Variants in FREM2 observed in about 807,000 individuals in gnomAD.
The protein encoded by FREM2 is FRAS1 related extracellular matrix 2, also known as FRAS1-related extracellular matrix protein 2.
In FREM2, 119 loss-of-function variants were observed where a neutral mutation model predicts 219.9. The observed-to-expected ratio is 0.54, with a 90% CI of 0.47 to 0.63. FREM2 has a LOEUF of 0.63. Ranked by LOEUF, FREM2 falls within the 30% of genes least tolerant of loss-of-function variation. The pLI is 0.00. For synonymous variants in FREM2, 1,562 were observed against 1,522.8 expected (o/e 1.03, Z -0.60); for missense variants, 4,030 against 3,993.6 (o/e 1.01, Z -0.25).
rs536960127 is a variant in FREM2 at position 38,689,904 on chromosome 13, G to A, written c.2560G>A (p.Val854Met). The part of the protein sequence containing the change: ...HHILSETELH[V>M]NDVDTDVAHI... ...CATCCTGAGTGAGACAGAGTTGCACGTGAATGATGTAGACACTGATGTTGC... is the reference window on the plus strand; with the variant it reads ...CATCCTGAGTGAGACAGAGTTGCACATGAATGATGTAGACACTGATGTTGC... The change falls in exon 1 of 24, where the codon GTG becomes ATG. Residue 854 changes from valine to methionine, a missense_variant. Val to Met is a conservative substitution (Grantham distance 21). Coordinates refer to ENST00000280481, the MANE Select transcript of FREM2 (RefSeq NM_207361.6). The A allele has an allele frequency of 7.4e-6, 12 of 1,614,146 alleles. No homozygotes were observed. The highest frequency in any genetic ancestry group is 4.0e-5 in the African/African-American group (3 of 75,034).
intron 1 of FREM2, among the ~76,000 whole-genome samples, chr13:38,695,332 G>T (rs1194738543): frequency 6.6e-6 from 1 of 151,962 alleles, no homozygotes; most frequent in East Asian, 1.9e-4. Context: ...AATATAAAAG[G>T]TTTTAGTATG....
intron 2 of FREM2, among the ~76,000 whole-genome samples, chr13:38,730,236 A>G (rs1871710284): frequency 6.6e-6 from 1 of 152,222 alleles, no homozygotes; most frequent in Admixed American, 6.5e-5. Flanking sequence ...CAGTACGTTT[A>G]TGATACATTT....
chr13:38,743,064 C>A (rs548397920), intron 2 of FREM2, among the ~76,000 whole-genome samples: 2 of 152,202 alleles, frequency 1.3e-5, no homozygotes, highest in African/African-American at 4.8e-5. Flanking sequence ...AAAACAAGCT[C>A]CTGATGGACA....
In FREM2 at chr13:38,876,085, T is replaced by A. The variant is rs895170998; in HGVS notation, c.8345T>A (p.Leu2782His). 4 of 1,614,128 alleles carry A rather than the reference T, an allele frequency of 2.5e-6. No homozygotes were observed. The highest frequency in any genetic ancestry group is 3.4e-6 in the Non-Finnish European group (4 of 1,179,978). The change falls in exon 19 of 24, where the codon CTC becomes CAC. Residue 2782 changes from leucine to histidine, a missense_variant. Physicochemically the swap from Leu to His is moderately conservative, Grantham distance 99. This residue lies in a region of FREM2 where 928 missense variants were observed against 1,042.9 expected (regional missense o/e 0.89). Transcript: ENST00000280481. ...DHPGLTFSLR[L>H]IRSEPTYNQP... ...CCAGGCCTGACATTTTCCCTCCGCCTCATAAGGAGTGAACCAACCTATAAC... is the reference window on the plus strand; with the variant it reads ...CCAGGCCTGACATTTTCCCTCCGCCACATAAGGAGTGAACCAACCTATAAC...
rs561768037 is a variant in FREM2 at position 38,866,525 on chromosome 13, G to A, written c.7983+1919G>A. On this transcript the variant is annotated intron_variant, in intron 16 of 23. Coordinates refer to ENST00000280481, the MANE Select transcript of FREM2 (RefSeq NM_207361.6). Reference sequence around the variant, plus strand: ...AAAATAAAATAAAATAAAATTAGCCGGGCGTGGTGGCGCATGCCTGTAATC... The same window carrying A: ...AAAATAAAATAAAATAAAATTAGCCAGGCGTGGTGGCGCATGCCTGTAATC... Among the ~76,000 whole-genome samples, 17 of 151,162 alleles carry A rather than the reference G, an allele frequency of 1.1e-4. No individual in the cohort carries two copies. The South Asian group carries it at 1.3e-3, about 11-fold the overall frequency.
chr13:38,703,778 C>G (rs1054256719), intron 2 of FREM2, among the ~76,000 whole-genome samples: 1 of 151,800 alleles, frequency 6.6e-6, no homozygotes, highest in Non-Finnish European at 1.5e-5. Flanking sequence ...GCTTTAGTTC[C>G]GAGAACATTT....
In FREM2 at chr13:38,882,659, A is replaced by G. The variant is rs1878588817; in HGVS notation, c.*1872A>G. ...CCCAGGAGTTTATTTAGCAAGATAA[A>G]TAGTGGTAATTTCTTAATCATTCCC... On this transcript the variant is annotated 3_prime_UTR_variant, in exon 24 of 24. Coordinates refer to ENST00000280481, the MANE Select transcript of FREM2 (RefSeq NM_207361.6). 6.6e-6 allele frequency: 1 copy of G among 152,240 alleles called. No homozygotes were observed. The highest frequency in any genetic ancestry group is 6.5e-5 in the Admixed American group (1 of 15,284). 9.4% of individuals were successfully genotyped at this position (152,240 alleles called of 1,614,324 possible).
intron 2 of FREM2, among the ~76,000 whole-genome samples, chr13:38,717,851 A>G (rs1871072922): frequency 6.6e-6 from 1 of 152,242 alleles, no homozygotes; most frequent in African/African-American, 2.4e-5. Context: ...CATCTTGATA[A>G]ATATGAGTGT....
At chr13:38,861,677 G>A in intron 15 of FREM2, 115 bp downstream of exon 15, 3 of 1,132,242 alleles carry the variant, frequency 2.6e-6, no homozygotes, top group African/African-American at 1.5e-5. Context: ...TTTGCAACTT[G>A]AGCTTCAAGT....
chr13:38,882,452 C>G lies in FREM2; in HGVS notation c.*1665C>G, dbSNP rs939179579. The G allele has an allele frequency of 3.3e-5, 5 of 152,186 alleles. No homozygotes were observed. Among genetic ancestry groups the G allele is most frequent in the African/African-American group, 9.7e-5 (4 of 41,448 alleles). 9.4% of individuals were successfully genotyped at this position (152,186 alleles called of 1,614,324 possible). On this transcript the variant is annotated 3_prime_UTR_variant, in exon 24 of 24. Transcript: ENST00000280481. ...TCTTGATCAAGATAAGGAAGCAACA[C>G]TGATACTGAGAGAGAGGTCATATGT... is the stretch of plus-strand genomic sequence containing the variant.
intron 2 of FREM2, among the ~76,000 whole-genome samples, chr13:38,709,574 T>C (rs1218687859): frequency 6.6e-6 from 1 of 152,130 alleles, no homozygotes; most frequent in Non-Finnish European, 1.5e-5. Flanking sequence ...ATATATATTA[T>C]GCAGAATATA....
rs1224994902 is a variant in FREM2 at position 38,691,288 on chromosome 13, A to G, written c.3944A>G (p.Glu1315Gly). The G allele has an allele frequency of 1.2e-6, 2 of 1,613,954 alleles. No individual in the cohort carries two copies. Among genetic ancestry groups the G allele is most frequent in the Non-Finnish European group, 1.7e-6 (2 of 1,179,924 alleles). ...RMTINNGLEI[E>G]IGDTKIINNK... ...ACTATCAATAATGGACTAGAAATAG[A>G]AATTGGGGATACCAAGATTATCAAC... The change falls in exon 1 of 24, where the codon GAA becomes GGA. Residue 1315 changes from glutamate to glycine, a missense_variant. Physicochemically the swap from Glu to Gly is moderately conservative, Grantham distance 98 (BLOSUM62 -2). Coordinates refer to ENST00000280481, the MANE Select transcript of FREM2 (RefSeq NM_207361.6).
intron 2 of FREM2, among the ~76,000 whole-genome samples, chr13:38,727,035 C>T (rs368858623): frequency 3.3e-5 from 5 of 152,124 alleles, no homozygotes; most frequent in South Asian, 2.1e-4. Flanking sequence ...AATTAGGGTG[C>T]GAAGAAAGTA....
At chr13:38,778,521 C>T (rs1293374554) in intron 4 of FREM2, among the ~76,000 whole-genome samples, 1 of 152,164 alleles carries the variant, frequency 6.6e-6, no homozygotes, top group East Asian at 1.9e-4. Context: ...AATACCACTG[C>T]CTTGGGGATT....
rs59365871 is a variant in FREM2, at chr13:38,751,864, C to CTGTGTG, written c.5264-12412_5264-12407dup. Among the ~76,000 whole-genome samples, 287 of 130,326 alleles carry CTGTGTG rather than the reference C, an allele frequency of 2.2e-3. 3 individuals are homozygous for CTGTGTG. Among genetic ancestry groups the CTGTGTG allele is most frequent in the African/African-American group, 9.5e-3 (277 of 29,018 alleles). 85.5% of individuals were successfully genotyped at this position (130,326 alleles called of 152,430 possible). A position where few individuals can be genotyped will look rare whatever the true frequency, so the allele number is the denominator to read the frequency against. ...ACACCAACTTGTTTTTGTACTTACTCTGTGTGTGTGTGTGTGTGTGTGTGT... is the reference window on the plus strand; with the variant it reads ...ACACCAACTTGTTTTTGTACTTACTCTGTGTGTGTGTGTGTGTGTGTGTGTGTGTGT... On this transcript the variant is annotated intron_variant, in intron 2 of 23. Coordinates refer to ENST00000280481, the MANE Select transcript of FREM2 (RefSeq NM_207361.6).
intron 17 of FREM2, among the ~76,000 whole-genome samples, chr13:38,873,141 T>A: frequency 6.6e-6 from 1 of 152,214 alleles, no homozygotes; most frequent in South Asian, 2.1e-4. Flanking sequence ...ATGTGATTAT[T>A]AAATATGACT....
At chr13:38,812,353 T>A (rs1875522326) in intron 6 of FREM2, among the ~76,000 whole-genome samples, 1 of 152,178 alleles carries the variant, frequency 6.6e-6, no homozygotes, top group Non-Finnish European at 1.5e-5. Flanking sequence ...GTTTTCTGGA[T>A]GTCTGGTTGT....
At chr13:38,695,517 G>C (rs1255643817) in intron 1 of FREM2, among the ~76,000 whole-genome samples, 1 of 152,142 alleles carries the variant, frequency 6.6e-6, no homozygotes, top group Admixed American at 6.5e-5. Flanking sequence ...TTTCGCTTAA[G>C]AAAACATTGA....
intron 6 of FREM2, among the ~76,000 whole-genome samples, chr13:38,836,833 C>G (rs140486551): frequency 0.011 from 1,645 of 152,198 alleles, 40 homozygotes; most frequent in African/African-American, 0.037. Context: ...ATTCTTCTCT[C>G]TTTTCTTCTT....
Sources: gnomAD v4.1 joint callset for allele counts (sites outside exome capture counted in the v4.1 genomes callset) on GRCh38, gnomAD v4.1.1 for gene constraint, gnomAD v4.1.1 regional missense constraint, MANE v1.5 for transcripts, NCBI Gene and HGNC (gene_info 2026-07-23, HGNC 2026-07-21) for gene names.